PPM1L: variants seen among roughly 807,000 people sequenced by gnomAD.
PPM1L encodes the protein protein phosphatase 1L.
In PPM1L, 13 loss-of-function variants were observed where a neutral mutation model predicts 31.4. The observed-to-expected ratio is 0.41, with a 90% CI of 0.27 to 0.66. PPM1L has a LOEUF of 0.66. Among genes scored for constraint, PPM1L ranks in the 30% least tolerant of loss-of-function variants. PPM1L has a pLI of 0.29. For missense variants in PPM1L, 326 were observed against 453.7 expected (o/e 0.72, Z 2.56); for synonymous variants, 184 against 175.4 (o/e 1.05, Z -0.39).
chr3:160,909,794 A>G (rs1372414126), intron 1 of PPM1L, among the ~76,000 whole-genome samples: 2 of 152,228 alleles, frequency 1.3e-5, no homozygotes, highest in Non-Finnish European at 2.9e-5. Context: ...ACAATGCGAC[A>G]TTAAGAACTA....
Position 161,074,144 on chromosome 3 carries a change from T to G in PPM1L, c.*4987T>G, listed in dbSNP as rs1720028958. On this transcript the variant is annotated 3_prime_UTR_variant, in exon 4 of 4. Transcript: ENST00000498165. ...TAACTGAAATGTAAACTATTAACAGTTATTTACTTTCTTTCCTTTATTGTC... is the reference window on the plus strand; with the variant it reads ...TAACTGAAATGTAAACTATTAACAGGTATTTACTTTCTTTCCTTTATTGTC... 1 of 152,212 alleles carries G rather than the reference T, an allele frequency of 6.6e-6. No individual in the cohort carries two copies. Among genetic ancestry groups the G allele is most frequent in the South Asian group, 2.1e-4 (1 of 4,828 alleles). 9.4% of individuals were successfully genotyped at this position (152,212 alleles called of 1,614,324 possible). A position where few individuals can be genotyped will look rare whatever the true frequency, so the allele number is the denominator to read the frequency against.
intron 2 of PPM1L, among the ~76,000 whole-genome samples, chr3:161,046,110 C>CAAAAAAAAAAAAAAAAAAAA (rs58794623): frequency 2.0e-5 from 1 of 50,304 alleles, no homozygotes; most frequent in African/African-American, 1.0e-4. Flanking sequence ...GACTCTGTCT[C>CAAAAAAAAAAAAAAAAAAAA]AAAAAAAAAA....
chr3:160,810,799 C>T (rs1449514283), intron 1 of PPM1L, among the ~76,000 whole-genome samples: 4 of 152,162 alleles, frequency 2.6e-5, no homozygotes, highest in Non-Finnish European at 5.9e-5. Flanking sequence ...TAAAATGCTC[C>T]TCATTATGCT....
chr3:160,794,686 G>A (rs1712195994), intron 1 of PPM1L, among the ~76,000 whole-genome samples: 1 of 152,090 alleles, frequency 6.6e-6, no homozygotes, highest in Non-Finnish European at 1.5e-5. Context: ...TTATAACAGG[G>A]TGTCCAATCT....
chr3:160,942,954 A>C (rs1397403326), intron 1 of PPM1L, among the ~76,000 whole-genome samples: 2 of 152,086 alleles, frequency 1.3e-5, no homozygotes, highest in Non-Finnish European at 2.9e-5. Context: ...TGAAGGATAG[A>C]CTTTTTTTTT....
chr3:161,014,807 A>T (rs1258782476), intron 2 of PPM1L, among the ~76,000 whole-genome samples: 1 of 152,132 alleles, frequency 6.6e-6, no homozygotes, highest in East Asian at 1.9e-4. Flanking sequence ...TATAAGCACT[A>T]ATGCTTCAGA....
intron 1 of PPM1L, among the ~76,000 whole-genome samples, chr3:160,867,534 T>A (rs1487638821): frequency 8.2e-6 from 1 of 121,794 alleles, no homozygotes; most frequent in Admixed American, 7.8e-5. Context: ...CTGGCTTCCT[T>A]CCTTTCCCTC....
At chr3:161,010,035 G>A (rs916330883) in intron 2 of PPM1L, among the ~76,000 whole-genome samples, 1 of 151,974 alleles carries the variant, frequency 6.6e-6, no homozygotes, top group African/African-American at 2.4e-5. Flanking sequence ...TTAAGTTCTA[G>A]GGTACATGTG....
intron 2 of PPM1L, among the ~76,000 whole-genome samples, chr3:160,971,190 G>A (rs1036360573): frequency 7.9e-5 from 12 of 152,094 alleles, no homozygotes; most frequent in Non-Finnish European, 1.8e-4. Flanking sequence ...GTCTATGGTG[G>A]GACGTTGCAT....
At position 161,012,900 on chromosome 3, in the gene PPM1L, TTCTC is replaced by T. The variant is rs1717944514; in HGVS notation, c.574+50994_574+50997del. 3.9e-5 allele frequency among the ~76,000 whole-genome samples: 6 copies of T among 152,160 alleles called. No homozygotes were observed. In the South Asian group the frequency reaches 1.2e-3, roughly 31 times the overall value. On this transcript the variant is annotated intron_variant, in intron 2 of 3. Coordinates refer to ENST00000498165, the MANE Select transcript of PPM1L (RefSeq NM_139245.4). The stretch of plus-strand genomic sequence containing the variant: ...ATTTTTTATTGCATCTATTTGATTC[TTCTC>T]TCTTTTTTTCTTTATTAGTCTTGCT...
intron 1 of PPM1L, among the ~76,000 whole-genome samples, chr3:160,796,552 T>A (rs1712256437): frequency 1.3e-5 from 2 of 152,230 alleles, no homozygotes; most frequent in African/African-American, 4.8e-5. Context: ...TTGCTCTTTG[T>A]GGGACCTTAA....
At chr3:160,970,822 C>T (rs1444304225) in intron 2 of PPM1L, among the ~76,000 whole-genome samples, 3 of 113,072 alleles carry the variant, frequency 2.7e-5, no homozygotes, top group African/African-American at 7.8e-5. Flanking sequence ...GACGGAGTCT[C>T]GCTGTCGCCC....
At chr3:160,917,491 A>G (rs1279733598) in intron 1 of PPM1L, among the ~76,000 whole-genome samples, 1 of 152,168 alleles carries the variant, frequency 6.6e-6, no homozygotes, top group African/African-American at 2.4e-5. Context: ...ACTAAAATAG[A>G]TATTATATCT....
intron 1 of PPM1L, among the ~76,000 whole-genome samples, chr3:160,807,387 G>A (rs1053053445): frequency 2.6e-5 from 4 of 152,112 alleles, no homozygotes; most frequent in Non-Finnish European, 5.9e-5. Flanking sequence ...ATATTGTATA[G>A]CCATGCACCA....
chr3:160,860,831 A>G (rs1459013571), intron 1 of PPM1L, among the ~76,000 whole-genome samples: 4 of 152,180 alleles, frequency 2.6e-5, no homozygotes, highest in Non-Finnish European at 5.9e-5. Context: ...TACAAGGTGG[A>G]AAGAGATCAT....
intron 1 of PPM1L, among the ~76,000 whole-genome samples, chr3:160,802,616 A>T (rs1712465031): frequency 6.6e-6 from 1 of 152,172 alleles, no homozygotes; most frequent in Admixed American, 6.5e-5. Flanking sequence ...TGAGGAAGAC[A>T]TGCATGTGGA....
intron 1 of PPM1L, among the ~76,000 whole-genome samples, chr3:160,802,537 C>T (rs2108078848): frequency 6.6e-6 from 1 of 152,158 alleles, no homozygotes; most frequent in Middle Eastern, 3.4e-3. Context: ...GGGCTGGGTA[C>T]TTCATTCTCA....
chr3:160,846,367 G>A (rs1011735169), intron 1 of PPM1L, among the ~76,000 whole-genome samples: 1 of 151,998 alleles, frequency 6.6e-6, no homozygotes, highest in Non-Finnish European at 1.5e-5. Context: ...ACAAACTTCT[G>A]TTTCATAAAA....
intron 1 of PPM1L, among the ~76,000 whole-genome samples, chr3:160,960,650 C>A (rs1464144348): frequency 6.6e-6 from 1 of 150,696 alleles, no homozygotes; most frequent in Non-Finnish European, 1.5e-5. Flanking sequence ...ATATGGTGGA[C>A]TTCATTGATT....
Sources: gnomAD v4.1 joint callset for allele counts (sites outside exome capture counted in the v4.1 genomes callset) on GRCh38, gnomAD v4.1.1 for gene constraint, MANE v1.5 for transcripts, NCBI Gene and HGNC (gene_info 2026-07-23, HGNC 2026-07-21) for gene names.